ZNRF3: variants seen among roughly 807,000 people sequenced by gnomAD.
The protein encoded by ZNRF3 is zinc and ring finger 3, also known as E3 ubiquitin-protein ligase ZNRF3.
In ZNRF3, 23 loss-of-function variants were observed where a neutral mutation model predicts 72.5. The observed-to-expected ratio is 0.32, with a 90% CI of 0.23 to 0.45. The LOEUF (loss-of-function observed/expected upper bound fraction) is 0.45, where lower values mean the gene tolerates loss of function less well. Ranked by LOEUF, ZNRF3 falls within the 20% of genes least tolerant of loss-of-function variation. The pLI is 1.00. For missense variants in ZNRF3, 1,169 were observed against 1,272.1 expected (o/e 0.92, Z 1.23); for synonymous variants, 610 against 545.3 (o/e 1.12, Z -1.65).
intron 1 of ZNRF3, among the ~76,000 whole-genome samples, chr22:28,981,143 A>C (rs913870695): frequency 6.6e-6 from 1 of 152,234 alleles, no homozygotes; most frequent in African/African-American, 2.4e-5. Context: ...ATATGTAGTC[A>C]GTGCCTATAT....
At chr22:28,921,909 A>G (rs1427396582) in intron 1 of ZNRF3, among the ~76,000 whole-genome samples, 1 of 152,252 alleles carries the variant, frequency 6.6e-6, no homozygotes, top group African/African-American at 2.4e-5. Context: ...GGATTAATAT[A>G]TAGGTTGAGT....
In ZNRF3 at chr22:29,035,743, AT is replaced by A. The variant is rs771678036; in HGVS notation, c.427-6741del. 1.2e-4 allele frequency among the ~76,000 whole-genome samples: 18 copies of A among 149,158 alleles called. 1 individual carries two copies. The highest frequency in any genetic ancestry group is 2.7e-4 in the African/African-American group (11 of 40,828). On this transcript the variant is annotated intron_variant, in intron 2 of 8. Coordinates refer to ENST00000544604, the MANE Select transcript of ZNRF3 (RefSeq NM_001206998.2). The stretch of plus-strand genomic sequence containing the variant: ...GGGGCACGCTGCCACGCCCAGCTAA[AT>A]TTTTTTTTTTATTTTATTAGAGGTG...
chr22:28,995,837 A>C (rs1005350360), intron 2 of ZNRF3, among the ~76,000 whole-genome samples: 5 of 151,366 alleles, frequency 3.3e-5, no homozygotes, highest in Non-Finnish European at 7.4e-5. Flanking sequence ...GTGCAGTGAC[A>C]CTATCTTGGC....
At chr22:28,942,503 T>C (rs1223377358) in intron 1 of ZNRF3, among the ~76,000 whole-genome samples, 1 of 152,210 alleles carries the variant, frequency 6.6e-6, no homozygotes, top group African/African-American at 2.4e-5. Flanking sequence ...GGCCTGGGAG[T>C]TGGGAGACTA....
intron 2 of ZNRF3, among the ~76,000 whole-genome samples, chr22:29,002,238 T>G (rs2036161299): frequency 6.6e-6 from 1 of 152,218 alleles, no homozygotes; most frequent in African/African-American, 2.4e-5. Context: ...CCTCCCATTT[T>G]TAGCTAATGA....
intron 3 of ZNRF3, among the ~76,000 whole-genome samples, chr22:29,042,963 T>C (rs2036995011): frequency 2.0e-5 from 3 of 152,078 alleles, no homozygotes; most frequent in African/African-American, 7.2e-5. Context: ...TTAGTAGAGA[T>C]GGGGTTTCAC....
At chr22:28,965,532 C>T (rs2035444543) in intron 1 of ZNRF3, among the ~76,000 whole-genome samples, 1 of 152,224 alleles carries the variant, frequency 6.6e-6, no homozygotes, top group South Asian at 2.1e-4. Context: ...CCTCAGTGGA[C>T]ATCAGCCACG....
intron 2 of ZNRF3, chr22:29,025,053 C>T (rs906361125): frequency 7.1e-6 from 1 of 140,352 alleles, no homozygotes; most frequent in African/African-American, 2.6e-5. Context: ...GCCATCTTCG[C>T]TCACTACAAC....
chr22:28,967,482 A>T (rs1466437681), intron 1 of ZNRF3, among the ~76,000 whole-genome samples: 1 of 152,246 alleles, frequency 6.6e-6, no homozygotes, highest in African/African-American at 2.4e-5. Flanking sequence ...CTTTCAGTGA[A>T]GTAGAACCGT....
intron 1 of ZNRF3, among the ~76,000 whole-genome samples, chr22:28,886,857 G>A (rs565123689): frequency 6.6e-6 from 1 of 152,168 alleles, no homozygotes; most frequent in South Asian, 2.1e-4. Flanking sequence ...TTGGGAGGCT[G>A]AGGTGGGAGG....
intron 1 of ZNRF3, among the ~76,000 whole-genome samples, chr22:28,985,006 C>T (rs1217161423): frequency 1.3e-5 from 2 of 152,172 alleles, no homozygotes; most frequent in Non-Finnish European, 2.9e-5. Flanking sequence ...AGCTGCTGGC[C>T]GCCCTGTGCT....
intron 1 of ZNRF3, among the ~76,000 whole-genome samples, chr22:28,971,295 A>C (rs2035570899): frequency 6.6e-6 from 1 of 152,152 alleles, no homozygotes; most frequent in African/African-American, 2.4e-5. Flanking sequence ...ACCCAACCAA[A>C]AGTCATAGTA....
chr22:28,936,102 G>A (rs968839853), intron 1 of ZNRF3, among the ~76,000 whole-genome samples: 2 of 152,164 alleles, frequency 1.3e-5, no homozygotes, highest in African/African-American at 4.8e-5. Context: ...CCTCCCAACC[G>A]CCATAGTTTT....
chr22:28,938,426 G>A (rs575735227), intron 1 of ZNRF3, among the ~76,000 whole-genome samples: 1 of 152,202 alleles, frequency 6.6e-6, no homozygotes, highest in Admixed American at 6.5e-5. Context: ...GCCCTCCTTT[G>A]TGGAGTACTT....
At chr22:28,892,048 T>C (rs914707876) in intron 1 of ZNRF3, among the ~76,000 whole-genome samples, 1 of 152,216 alleles carries the variant, frequency 6.6e-6, no homozygotes, top group Non-Finnish European at 1.5e-5. Context: ...GGCTGACTTT[T>C]ATAGCAATTT....
chr22:29,010,764 G>A (rs546268736), intron 2 of ZNRF3, among the ~76,000 whole-genome samples: 174 of 152,294 alleles, frequency 1.1e-3, no homozygotes, highest in African/African-American at 4.0e-3. Context: ...CCGCCTCCCA[G>A]GTTCAAGCAG....
At chr22:28,907,768 C>T (rs538812443) in intron 1 of ZNRF3, among the ~76,000 whole-genome samples, 4 of 152,204 alleles carry the variant, frequency 2.6e-5, no homozygotes, top group Admixed American at 1.3e-4. Context: ...CTGCCCACAG[C>T]GCATGGTGCA....
chr22:28,993,259 G>A (rs1463891284), intron 2 of ZNRF3, among the ~76,000 whole-genome samples: 1 of 152,172 alleles, frequency 6.6e-6, no homozygotes, highest in Non-Finnish European at 1.5e-5. Context: ...ATGCTTTAGT[G>A]GGGCTCAAGC....
intron 1 of ZNRF3, among the ~76,000 whole-genome samples, chr22:28,948,090 A>G (rs948779923): frequency 6.6e-6 from 1 of 152,058 alleles, no homozygotes; most frequent in Admixed American, 6.6e-5. Context: ...TGATCCGCCC[A>G]CCTTGGCCTC....
Sources: gnomAD v4.1 joint callset for allele counts (sites outside exome capture counted in the v4.1 genomes callset) on GRCh38, gnomAD v4.1.1 for gene constraint, MANE v1.5 for transcripts, NCBI Gene and HGNC (gene_info 2026-07-23, HGNC 2026-07-21) for gene names.